Variants in PLCE1 observed in about 807,000 individuals in gnomAD.
PLCE1 encodes phospholipase C epsilon 1.
PLCE1 carries 119 observed loss-of-function variants against 242.8 expected under a neutral mutation model. The ratio of observed to expected loss-of-function variants is 0.49; its 90% CI spans 0.42 to 0.57. PLCE1 has a LOEUF of 0.57. Ranked by LOEUF, PLCE1 falls within the 20% of genes least tolerant of loss-of-function variation. The probability of loss-of-function intolerance (pLI) is 0.00; values close to 1 mark genes in which losing one functional copy is unlikely to be tolerated. For synonymous variants in PLCE1, 945 were observed against 1,017.4 expected, an observed-to-expected ratio of 0.93 and a Z score of 1.35; for missense variants, 2,441 against 2,788.8, an observed-to-expected ratio of 0.88 and a Z score of 2.81.
At chr10:94,315,181 AT>A (rs2053524792) in intron 28 of PLCE1, 1 of 303,760 alleles carries the variant, frequency 3.3e-6, no homozygotes, top group South Asian at 3.1e-5. Context: ...GCATTTCATC[AT>A]TTATAGACCA....
chr10:94,156,169 G>T (rs929544715), intron 3 of PLCE1, among the ~76,000 whole-genome samples: 8 of 152,134 alleles, frequency 5.3e-5, no homozygotes, highest in African/African-American at 1.9e-4. Flanking sequence ...CACCAAATGT[G>T]TGGGGTTTTC....
chr10:94,089,182 A>C, intron 2 of PLCE1: 1 of 1,614,056 alleles, frequency 6.2e-7, no homozygotes, highest in Non-Finnish European at 8.5e-7. Context: ...CAAAGGGATT[A>C]AGATTTGGCA....
intron 2 of PLCE1, chr10:94,096,444 C>T (rs2045313739): frequency 6.6e-6 from 1 of 152,136 alleles, no homozygotes; most frequent in Non-Finnish European, 1.5e-5. Context: ...CAAACATGTC[C>T]TTCACCTGGT....
At chr10:94,312,337 G>A (rs1018170716) in intron 27 of PLCE1, among the ~76,000 whole-genome samples, 2 of 152,172 alleles carry the variant, frequency 1.3e-5, no homozygotes, top group African/African-American at 2.4e-5. Flanking sequence ...TAGCCAGTTA[G>A]GCAAAGCCCT....
At chr10:94,045,117 C>T (rs1252561634) in intron 2 of PLCE1, among the ~76,000 whole-genome samples, 1 of 152,054 alleles carries the variant, frequency 6.6e-6, no homozygotes, top group African/African-American at 2.4e-5. Context: ...CCTCCTGCTT[C>T]AGCCTCCTGA....
At chr10:94,254,431 A>G in intron 10 of PLCE1, 124 bp downstream of exon 10, 1 of 749,408 alleles carries the variant, frequency 1.3e-6, no homozygotes, top group Middle Eastern at 2.5e-4. Context: ...CTTTGTCCTA[A>G]CCAGACAATG....
At chr10:94,294,606 A>G (rs2052746315) in intron 23 of PLCE1, among the ~76,000 whole-genome samples, 1 of 152,244 alleles carries the variant, frequency 6.6e-6, no homozygotes, top group Non-Finnish European at 1.5e-5. Flanking sequence ...TAGTCTATTA[A>G]GTGTGCAATA....
At chr10:93,994,315 C>A (rs527488802) in intron 1 of PLCE1, among the ~76,000 whole-genome samples, 57 bp downstream of exon 1, 3 of 152,372 alleles carry the variant, frequency 2.0e-5, no homozygotes, top group Admixed American at 2.0e-4. Flanking sequence ...GAAGGATGGG[C>A]TGGTTCTCTC....
At chr10:94,108,071 G>A (rs2045821785) in intron 2 of PLCE1, among the ~76,000 whole-genome samples, 1 of 152,188 alleles carries the variant, frequency 6.6e-6, no homozygotes, top group Non-Finnish European at 1.5e-5. Flanking sequence ...GCTAGAGTCT[G>A]ACAGCCTTGT....
chr10:94,087,610 T>C (rs2044880745), intron 2 of PLCE1, among the ~76,000 whole-genome samples: 1 of 151,868 alleles, frequency 6.6e-6, no homozygotes, highest in African/African-American at 2.4e-5. Context: ...CTAATTTTAA[T>C]GTTTGTAGAG....
intron 2 of PLCE1, among the ~76,000 whole-genome samples, chr10:94,088,371 A>G (rs1188648793): frequency 1.3e-5 from 2 of 152,238 alleles, no homozygotes; most frequent in African/African-American, 2.4e-5. Flanking sequence ...CTAATCTGCA[A>G]TGAAGCCTTA....
chr10:94,132,362 C>T lies in PLCE1; in HGVS notation c.1395C>T (p.Tyr465=). 6.2e-7 allele frequency: 1 copy of T among 1,614,070 alleles called. No individual in the cohort carries two copies. Among genetic ancestry groups the T allele is most frequent in the Non-Finnish European group, 8.5e-7 (1 of 1,179,956 alleles). ...TCCAAAGGACTTCAATATCGCAGTACATCACCGGTTCTCTCCTAGAAGCAA... is the reference window on the plus strand; with the variant it reads ...TCCAAAGGACTTCAATATCGCAGTATATCACCGGTTCTCTCCTAGAAGCAA... ...ATLQRTSISQ[Y]ITGSLLEATT... The change falls in exon 3 of 33, where the codon TAC becomes TAT. Residue 465 remains tyrosine (Y), a synonymous_variant. Transcript: ENST00000371380.
At chr10:94,284,130 T>C (rs2052351270) in intron 21 of PLCE1, among the ~76,000 whole-genome samples, 1 of 152,200 alleles carries the variant, frequency 6.6e-6, no homozygotes, top group Non-Finnish European at 1.5e-5. Flanking sequence ...TAATGGTGTA[T>C]GTGTGGCAGG....
intron 3 of PLCE1, among the ~76,000 whole-genome samples, chr10:94,147,833 A>G (rs1035359053): frequency 3.9e-5 from 6 of 152,224 alleles, no homozygotes; most frequent in Non-Finnish European, 5.9e-5. Flanking sequence ...GTAGCACAAT[A>G]TAGGAAACAT....
chr10:94,174,459 A>G (rs1216863076), intron 4 of PLCE1, among the ~76,000 whole-genome samples: 1 of 152,232 alleles, frequency 6.6e-6, no homozygotes, highest in Non-Finnish European at 1.5e-5. Context: ...GAGAAATAGG[A>G]CATTTGCAAA....
At chr10:94,253,708 A>C (rs1240144331) in intron 9 of PLCE1, among the ~76,000 whole-genome samples, 1 of 152,066 alleles carries the variant, frequency 6.6e-6, no homozygotes, top group Non-Finnish European at 1.5e-5. Context: ...GAACTCACTC[A>C]TCACCAAGGG....
intron 4 of PLCE1, among the ~76,000 whole-genome samples, chr10:94,175,441 G>T (rs1259425771): frequency 6.6e-6 from 1 of 151,666 alleles, no homozygotes; most frequent in Non-Finnish European, 1.5e-5. Context: ...AATTTTTGTG[G>T]GTACATAGTA....
chr10:94,177,813 A>G (rs919850960), intron 4 of PLCE1, among the ~76,000 whole-genome samples: 4 of 152,118 alleles, frequency 2.6e-5, no homozygotes, highest in African/African-American at 4.8e-5. Flanking sequence ...CAATTTTACC[A>G]AAAAGATTAC....
At chr10:94,140,018 T>C (rs571650392) in intron 3 of PLCE1, among the ~76,000 whole-genome samples, 1 of 152,236 alleles carries the variant, frequency 6.6e-6, no homozygotes, top group Non-Finnish European at 1.5e-5. Context: ...CTATTTTCTT[T>C]TTGTGAGACT....
Sources: allele counts gnomAD v4.1 joint callset (sites outside exome capture counted in the v4.1 genomes callset), GRCh38; gene constraint gnomAD v4.1.1; transcripts MANE v1.5; gene names NCBI Gene and HGNC (gene_info 2026-07-23, HGNC 2026-07-21).